XIRP2: variants seen among roughly 807,000 people sequenced by gnomAD.
XIRP2 encodes xin actin-binding repeat-containing protein 2.
XIRP2 carries 236 observed loss-of-function variants against 277.0 expected under a neutral mutation model. The observed-to-expected ratio is 0.85, with a 90% CI of 0.77 to 0.95. The LOEUF is 0.95. XIRP2 is among the 40% of genes least tolerant of loss of function. XIRP2 has a pLI of 0.00. For missense variants in XIRP2, 4,640 were observed against 4,157.5 expected (o/e 1.12, Z -3.19); for synonymous variants, 1,490 against 1,416.5 (o/e 1.05, Z -1.17).
chr2:167,102,445 C>A lies in XIRP2; in HGVS notation c.409-33464C>A, dbSNP rs13384435. On this transcript the variant is annotated intron_variant, in intron 2 of 10. Coordinates refer to ENST00000409195, the MANE Select transcript of XIRP2 (RefSeq NM_152381.6). ...TGCATGTCAGCATGCATATAAGCAA[C>A]TTGACATACAAGTAAACCTTATAGA... is the stretch of plus-strand genomic sequence containing the variant. 3.6e-3 allele frequency among the ~76,000 whole-genome samples: 542 copies of A among 152,222 alleles called. 2 individuals are homozygous for A. The highest frequency in any genetic ancestry group is 9.7e-3 in the African/African-American group (403 of 41,528).
At chr2:167,021,230 T>G (rs1350855142) in intron 2 of XIRP2, among the ~76,000 whole-genome samples, 1 of 152,134 alleles carries the variant, frequency 6.6e-6, no homozygotes, top group African/African-American at 2.4e-5. Flanking sequence ...AAGATTTTGT[T>G]TGAATAAATC....
intron 2 of XIRP2, among the ~76,000 whole-genome samples, chr2:167,131,262 C>G (rs1481572088): frequency 6.6e-6 from 1 of 152,178 alleles, no homozygotes; most frequent in African/African-American, 2.4e-5. Flanking sequence ...TCTTGCCCTT[C>G]TCAGGAATTT....
Position 167,243,693 on chromosome 2 carries a change from A to T in XIRP2, c.2301A>T (p.Val767=). 6.2e-7 allele frequency: 1 copy of T among 1,614,082 alleles called. No homozygotes were observed. The highest frequency in any genetic ancestry group is 1.1e-5 in the South Asian group (1 of 91,078). Residue 767 remains valine, a synonymous_variant, in exon 9 of 11, where the codon GTA becomes GTT. Transcript: ENST00000409195. ...VHREDVEKGD[V]RTARWMFETQ... Reference sequence around the variant, plus strand: ...GAGAAGACGTTGAAAAGGGAGATGTAAGAACAGCACGGTGGATGTTTGAAA... The same window carrying T: ...GAGAAGACGTTGAAAAGGGAGATGTTAGAACAGCACGGTGGATGTTTGAAA...
intron 2 of XIRP2, among the ~76,000 whole-genome samples, chr2:167,087,807 C>A (rs368582514): frequency 6.6e-6 from 1 of 151,788 alleles, no homozygotes; most frequent in East Asian, 1.9e-4. Context: ...GGCTCGCGCA[C>A]GGTGCGTGCA....
chr2:167,223,210 C>CT (rs1037125392), intron 5 of XIRP2, among the ~76,000 whole-genome samples: 10 of 151,176 alleles, frequency 6.6e-5, no homozygotes, highest in Middle Eastern at 3.4e-3. Context: ...CCTCAAGTTG[C>CT]TTTTTTTTTC....
intron 2 of XIRP2, among the ~76,000 whole-genome samples, chr2:166,934,331 G>T (rs936670198): frequency 6.6e-6 from 1 of 152,048 alleles, no homozygotes; most frequent in African/African-American, 2.4e-5. Flanking sequence ...AAAAAGCTGA[G>T]GATGACCTCC....
At chr2:167,145,606 A>G (rs1011519825) in intron 3 of XIRP2, among the ~76,000 whole-genome samples, 14 of 152,196 alleles carry the variant, frequency 9.2e-5, no homozygotes, top group Non-Finnish European at 1.9e-4. Context: ...CAAAAAAGAA[A>G]TGAATGTCAA....
intron 2 of XIRP2, among the ~76,000 whole-genome samples, chr2:167,134,193 ATATATGAATATATATTCATG>A (rs1258204570): frequency 1.3e-5 from 2 of 151,386 alleles, no homozygotes; most frequent in Non-Finnish European, 2.9e-5. Context: ...ATATATTCAT[ATATATGAATATATATTCATG>A]TATATTCATG....
chr2:166,902,897 G>A (rs958096675), intron 1 of XIRP2, among the ~76,000 whole-genome samples: 1 of 152,064 alleles, frequency 6.6e-6, no homozygotes, highest in African/African-American at 2.4e-5. Flanking sequence ...TTGTGATAAT[G>A]TTAAGATTAA....
intron 2 of XIRP2, among the ~76,000 whole-genome samples, chr2:167,033,250 T>C (rs1359091024): frequency 1.3e-5 from 2 of 151,844 alleles, no homozygotes. Flanking sequence ...TGAGAACACA[T>C]AGACACATGG....
At chr2:166,971,002 T>A (rs1686562608) in intron 2 of XIRP2, among the ~76,000 whole-genome samples, 1 of 151,902 alleles carries the variant, frequency 6.6e-6, no homozygotes, top group African/African-American at 2.4e-5. Flanking sequence ...ATATAAATGT[T>A]GGTACATGAT....
chr2:167,156,441 G>T (rs73017983), intron 3 of XIRP2, among the ~76,000 whole-genome samples: 13,790 of 152,200 alleles, frequency 0.091, 1,219 homozygotes, highest in African/African-American at 0.23. Flanking sequence ...CACAGGTTTA[G>T]TTTGCCAGCT....
At chr2:166,942,583 AACC>A (rs1164956535) in intron 2 of XIRP2, among the ~76,000 whole-genome samples, 1 of 152,224 alleles carries the variant, frequency 6.6e-6, no homozygotes, top group Non-Finnish European at 1.5e-5. Context: ...TGTGCAATCA[AACC>A]ACAGCATCAA....
At chr2:167,032,395 A>G (rs1438036045) in intron 2 of XIRP2, among the ~76,000 whole-genome samples, 1 of 152,214 alleles carries the variant, frequency 6.6e-6, no homozygotes, top group Non-Finnish European at 1.5e-5. Context: ...GTGGGCAAAG[A>G]CTTCATGACT....
chr2:167,081,821 T>G (rs1197668690), intron 2 of XIRP2, among the ~76,000 whole-genome samples: 1 of 152,192 alleles, frequency 6.6e-6, no homozygotes, highest in Non-Finnish European at 1.5e-5. Context: ...AGGGATATCT[T>G]AGCATGTCAG....
chr2:167,091,611 T>TG (rs1558976876), intron 2 of XIRP2, among the ~76,000 whole-genome samples: 1 of 152,034 alleles, frequency 6.6e-6, no homozygotes. Flanking sequence ...ATCATAGTTT[T>TG]AATTCTGTAT....
intron 2 of XIRP2, among the ~76,000 whole-genome samples, chr2:167,113,552 G>A (rs1168976333): frequency 2.6e-5 from 4 of 152,106 alleles, no homozygotes; most frequent in South Asian, 4.1e-4. Context: ...ATGTGAGTGG[G>A]TCTCTTGAAG....
At chr2:167,228,091 C>T (rs957984546) in intron 5 of XIRP2, among the ~76,000 whole-genome samples, 1 of 152,260 alleles carries the variant, frequency 6.6e-6, no homozygotes, top group East Asian at 1.9e-4. Flanking sequence ...AACTAAACCA[C>T]TGTGTGGACT....
chr2:167,048,534 T>G (rs574041551), intron 2 of XIRP2, among the ~76,000 whole-genome samples: 1 of 152,078 alleles, frequency 6.6e-6, no homozygotes, highest in Non-Finnish European at 1.5e-5. Flanking sequence ...CTTCTATATT[T>G]TATTTAATGT....
Sources: gnomAD v4.1 joint callset for allele counts (sites outside exome capture counted in the v4.1 genomes callset) on GRCh38, gnomAD v4.1.1 for gene constraint, MANE v1.5 for transcripts, NCBI Gene and HGNC (gene_info 2026-07-23, HGNC 2026-07-21) for gene names.